Variants in DR1 observed in about 807,000 individuals in gnomAD.
DR1 encodes protein Dr1.
A neutral mutation model predicts 19.9 loss-of-function variants in DR1; 7 were observed. The observed-to-expected ratio is 0.35, with a 90% CI of 0.20 to 0.66. DR1 has a LOEUF of 0.66. Among genes scored for constraint, DR1 ranks in the 30% least tolerant of loss-of-function variants. The pLI is 0.66. For missense variants in DR1, 98 were observed against 203.7 expected (o/e 0.48, Z 3.16); for synonymous variants, 76 against 72.5 (o/e 1.05, Z -0.24).
chr1:93,357,446 C>T (rs146541516), intron 2 of DR1, among the ~76,000 whole-genome samples: 93 of 152,102 alleles, frequency 6.1e-4, no homozygotes, highest in Middle Eastern at 3.4e-3. Flanking sequence ...TTCAAGGTTG[C>T]AGTGCATAAC....
In DR1 at chr1:93,363,275, T is replaced by A. The variant is rs1667079299; in HGVS notation, c.*2636T>A. ...GCCTGTTTTTTATTTTATGTAAATG[T>A]AATCATACATAATACACTTTTTTTC... On this transcript the variant is annotated 3_prime_UTR_variant, in exon 3 of 3. Coordinates refer to ENST00000370272, the MANE Select transcript of DR1 (RefSeq NM_001938.3). 6.6e-6 allele frequency: 1 copy of A among 152,224 alleles called. No homozygotes were observed. The highest frequency in any genetic ancestry group is 1.5e-5 in the Non-Finnish European group (1 of 68,034). The allele number at this position is 152,224 out of a possible 1,614,324, so 9.4% of individuals were successfully genotyped here.
At chr1:93,351,579 G>A (rs1019360619) in intron 1 of DR1, among the ~76,000 whole-genome samples, 12 of 151,862 alleles carry the variant, frequency 7.9e-5, no homozygotes, top group African/African-American at 2.7e-4. Context: ...GGGATTACAG[G>A]CGTGTGCCAC....
chr1:93,346,382 C>T lies in DR1; in HGVS notation c.-264C>T. 1 of 477,198 alleles carries T rather than the reference C, an allele frequency of 2.1e-6. No homozygotes were observed. The highest frequency in any genetic ancestry group is 3.8e-6 in the Non-Finnish European group (1 of 261,548). The allele number at this position is 477,198 out of a possible 1,614,324, so 29.6% of individuals were successfully genotyped here. A position where few individuals can be genotyped will look rare whatever the true frequency, so the allele number is the denominator to read the frequency against. On this transcript the variant is annotated 5_prime_UTR_variant, in exon 1 of 3. Transcript: ENST00000370272. ...AGCCGCTCAAATTTCCGGACCACCG[C>T]GCTTTCCCCTCCTCAGCCTGGGCTG...
At chr1:93,358,395 C>T (rs1352815197) in intron 2 of DR1, among the ~76,000 whole-genome samples, 1 of 152,118 alleles carries the variant, frequency 6.6e-6, no homozygotes, top group Non-Finnish European at 1.5e-5. Flanking sequence ...TCTTGTCTTT[C>T]AGTTCCTTTG....
In DR1 at chr1:93,365,248, A is replaced by G. The variant is rs1667114244; in HGVS notation, c.*4609A>G. On this transcript the variant is annotated 3_prime_UTR_variant, in exon 3 of 3. Transcript: ENST00000370272. ...ACCATAGCCTCAAACTCCTGGGCTC[A>G]AGCAATCCAAAAGGAGGAAACTTTT... The G allele has an allele frequency of 6.6e-6, 1 of 152,212 alleles. No individual in the cohort carries two copies. The highest frequency in any genetic ancestry group is 2.1e-4 in the South Asian group (1 of 4,834). 9.4% of individuals were successfully genotyped at this position (152,212 alleles called of 1,614,324 possible).
Position 93,363,545 on chromosome 1 carries a change from C to T in DR1, c.*2906C>T, listed in dbSNP as rs1262562131. 1 of 152,114 alleles carries T rather than the reference C, an allele frequency of 6.6e-6. No individual in the cohort carries two copies. The highest frequency in any genetic ancestry group is 1.5e-5 in the Non-Finnish European group (1 of 68,014). The allele number at this position is 152,114 out of a possible 1,614,324, so 9.4% of individuals were successfully genotyped here. A position where few individuals can be genotyped will look rare whatever the true frequency, so the allele number is the denominator to read the frequency against. On this transcript the variant is annotated 3_prime_UTR_variant, in exon 3 of 3. Transcript: ENST00000370272. ...CGGCCTGTATTTATGGGCTTGTGAC[C>T]CCTTCCTCTCTATGATCAAAGCTTG...
chr1:93,359,927 T>C (rs560795873), intron 2 of DR1, among the ~76,000 whole-genome samples: 2 of 152,228 alleles, frequency 1.3e-5, no homozygotes, highest in African/African-American at 4.8e-5. Context: ...CACAGAGAGA[T>C]AGGCATATAG....
intron 1 of DR1, among the ~76,000 whole-genome samples, chr1:93,348,353 G>T (rs1459329227): frequency 6.6e-6 from 1 of 152,040 alleles, no homozygotes; most frequent in East Asian, 1.9e-4. Flanking sequence ...ATCCAGCACA[G>T]ATAGCTATAA....
rs1667184960 is a variant in DR1, at chr1:93,367,754, C to T, written c.*7115C>T. The T allele has an allele frequency of 6.6e-6, 1 of 152,322 alleles. No individual in the cohort carries two copies. The highest frequency in any genetic ancestry group is 1.5e-5 in the Non-Finnish European group (1 of 68,120). The allele number at this position is 152,322 out of a possible 1,614,324, so 9.4% of individuals were successfully genotyped here. On this transcript the variant is annotated 3_prime_UTR_variant, in exon 3 of 3. Transcript: ENST00000370272. ...ACAGGCCGGGTGTGGTGGCTTACGCCTGTAATCCCAGCACTTTGGGAGGCC... is the reference window on the plus strand; with the variant it reads ...ACAGGCCGGGTGTGGTGGCTTACGCTTGTAATCCCAGCACTTTGGGAGGCC...
Position 93,364,842 on chromosome 1 carries a change from C to CTTTCTTTTTTTTTTTT in DR1, c.*4206_*4207insCTTTTTTTTTTTTTTT, listed in dbSNP as rs1667098890. 1.3e-5 allele frequency: 1 copy of CTTTCTTTTTTTTTTTT among 79,762 alleles called. No individual in the cohort carries two copies. Among genetic ancestry groups the CTTTCTTTTTTTTTTTT allele is most frequent in the African/African-American group, 4.2e-5 (1 of 23,750 alleles). The allele number at this position is 79,762 out of a possible 1,614,324, so 4.9% of individuals were successfully genotyped here. ...ATGTTTCCTTTTTCTTTTTTCTTTT[C>CTTTCTTTTTTTTTTTT]TTTTCTTTCTTTTTTTTTTTTTTTT... On this transcript the variant is annotated 3_prime_UTR_variant, in exon 3 of 3. Coordinates refer to ENST00000370272, the MANE Select transcript of DR1 (RefSeq NM_001938.3).
chr1:93,368,206 A>T lies in DR1; in HGVS notation c.*7567A>T, dbSNP rs1003310078. 1.3e-5 allele frequency: 2 copies of T among 152,206 alleles called. No individual in the cohort carries two copies. Among genetic ancestry groups the T allele is most frequent in the African/African-American group, 4.8e-5 (2 of 41,432 alleles). The allele number at this position is 152,206 out of a possible 1,614,324, so 9.4% of individuals were successfully genotyped here. A position where few individuals can be genotyped will look rare whatever the true frequency, so the allele number is the denominator to read the frequency against. ...ACACCATTAAAAATAATAGACATAC[A>T]GTATGCAGTATTTTGTTTTACTTAT... On this transcript the variant is annotated 3_prime_UTR_variant, in exon 3 of 3. Coordinates refer to ENST00000370272, the MANE Select transcript of DR1 (RefSeq NM_001938.3).
At chr1:93,350,461 A>G (rs756988878) in intron 1 of DR1, among the ~76,000 whole-genome samples, 1 of 152,212 alleles carries the variant, frequency 6.6e-6, no homozygotes, top group Non-Finnish European at 1.5e-5. Flanking sequence ...ATGCTGATTT[A>G]TATAGTATTT....
intron 1 of DR1, among the ~76,000 whole-genome samples, chr1:93,351,436 CTTTTTTTTTTTTTTT>C (rs397862048): frequency 7.7e-5 from 8 of 103,844 alleles, no homozygotes; most frequent in Admixed American, 3.1e-4. Context: ...GATTTTCTTT[CTTTTTTTTTTTTTTT>C]TTTTTTTTGA....
In DR1 at chr1:93,360,737, G is replaced by A; in HGVS notation, c.*98G>A. ...TTATCTGTAATTTTGTATGCATCTT[G>A]GTGGACTTGTCATTGGTATTCTAGG... On this transcript the variant is annotated 3_prime_UTR_variant, in exon 3 of 3. Transcript: ENST00000370272. The A allele has an allele frequency of 1.5e-6, 2 of 1,349,292 alleles. No homozygotes were observed. The highest frequency in any genetic ancestry group is 2.8e-5 in the South Asian group (2 of 70,390). 83.6% of individuals were successfully genotyped at this position (1,349,292 alleles called of 1,614,324 possible).
chr1:93,357,087 A>G (rs761342530), intron 2 of DR1, among the ~76,000 whole-genome samples: 4 of 152,198 alleles, frequency 2.6e-5, no homozygotes, highest in Non-Finnish European at 5.9e-5. Context: ...CCGTAAAAGT[A>G]AATATGCTAT....
intron 2 of DR1, among the ~76,000 whole-genome samples, chr1:93,357,292 C>T (rs190454520): frequency 2.2e-4 from 33 of 152,176 alleles, no homozygotes; most frequent in Middle Eastern, 6.8e-3. Flanking sequence ...TAACCATATA[C>T]GGGTCTTCTG....
intron 2 of DR1, among the ~76,000 whole-genome samples, chr1:93,359,340 C>G (rs1667027795): frequency 6.6e-6 from 1 of 151,812 alleles, no homozygotes; most frequent in African/African-American, 2.4e-5. Context: ...GTTAGGAATG[C>G]AACAAAGAAT....
At chr1:93,347,882 CTAAT>C (rs1570707900) in intron 1 of DR1, among the ~76,000 whole-genome samples, 1 of 151,916 alleles carries the variant, frequency 6.6e-6, no homozygotes, top group East Asian at 1.9e-4. Context: ...TTGTAATAAT[CTAAT>C]TAAAGTTATT....
intron 1 of DR1, among the ~76,000 whole-genome samples, chr1:93,351,957 A>G (rs1039653032): frequency 1.3e-5 from 2 of 152,240 alleles, no homozygotes; most frequent in Admixed American, 6.5e-5. Context: ...TGAGAAATAC[A>G]TAGTCTGAGT....
Sources: allele counts gnomAD v4.1 joint callset (sites outside exome capture counted in the v4.1 genomes callset), GRCh38; gene constraint gnomAD v4.1.1; transcripts MANE v1.5; gene names NCBI Gene and HGNC (gene_info 2026-07-23, HGNC 2026-07-21).